Variants in PXDNL observed in about 807,000 individuals in gnomAD.
PXDNL encodes peroxidasin like, also known as probable oxidoreductase PXDNL.
PXDNL carries 145 observed loss-of-function variants against 150.8 expected under a neutral mutation model. The ratio of observed to expected loss-of-function variants is 0.96; its 90% CI spans 0.84 to 1.10. The LOEUF (loss-of-function observed/expected upper bound fraction) is 1.10. Among genes scored for constraint, PXDNL ranks in the 50% least tolerant of loss-of-function variants. The pLI is 0.00. For missense variants in PXDNL, 2,087 were observed against 1,873.9 expected (o/e 1.11, Z -2.10); for synonymous variants, 757 against 725.7 (o/e 1.04, Z -0.69).
intron 2 of PXDNL, among the ~76,000 whole-genome samples, chr8:51,600,626 A>T (rs1373479611): frequency 7.3e-6 from 1 of 136,938 alleles, no homozygotes; most frequent in East Asian, 2.1e-4. Flanking sequence ...ATTATATCTT[A>T]TATAAATTAT....
chr8:51,511,220 G>A (rs901437107), intron 4 of PXDNL, among the ~76,000 whole-genome samples: 3 of 152,168 alleles, frequency 2.0e-5, no homozygotes, highest in Admixed American at 6.5e-5. Flanking sequence ...TCATGCCAGG[G>A]CAGTGGAAGA....
At chr8:51,755,349 C>G (rs1183207489) in intron 1 of PXDNL, among the ~76,000 whole-genome samples, 1 of 150,674 alleles carries the variant, frequency 6.6e-6, no homozygotes, top group Non-Finnish European at 1.5e-5. Context: ...GGCTGGAGTG[C>G]AGGGGCACTA....
intron 2 of PXDNL, among the ~76,000 whole-genome samples, chr8:51,634,180 C>CCCTA (rs768965265): frequency 4.9e-4 from 75 of 152,172 alleles, no homozygotes; most frequent in Non-Finnish European, 8.2e-4. Flanking sequence ...GATCCAGTAT[C>CCCTA]CTTCTTCTGC....
chr8:51,705,807 C>G (rs1054117374), intron 1 of PXDNL, among the ~76,000 whole-genome samples: 2 of 143,394 alleles, frequency 1.4e-5, no homozygotes, highest in South Asian at 4.8e-4. Flanking sequence ...GGTGAAAACA[C>G]TGTGTGTGTG....
At chr8:51,351,764 C>T (rs1205274779) in intron 19 of PXDNL, among the ~76,000 whole-genome samples, 5 of 152,176 alleles carry the variant, frequency 3.3e-5, no homozygotes, top group Non-Finnish European at 7.3e-5. Context: ...GTTGGCAGAA[C>T]TCACTTCCTC....
At chr8:51,650,202 T>C (rs1411135045) in intron 2 of PXDNL, among the ~76,000 whole-genome samples, 1 of 151,846 alleles carries the variant, frequency 6.6e-6, no homozygotes, top group African/African-American at 2.4e-5. Flanking sequence ...CAAAATAGTA[T>C]TATATACAGA....
chr8:51,748,893 A>T (rs569266884), intron 1 of PXDNL, among the ~76,000 whole-genome samples: 1 of 152,230 alleles, frequency 6.6e-6, no homozygotes, highest in Non-Finnish European at 1.5e-5. Flanking sequence ...AAATTAGGAC[A>T]CTAAAAATAA....
intron 1 of PXDNL, among the ~76,000 whole-genome samples, chr8:51,756,237 T>C (rs1223401472): frequency 1.3e-5 from 2 of 151,784 alleles, no homozygotes; most frequent in South Asian, 2.1e-4. Flanking sequence ...CTGCAAAACA[T>C]ACAAATATTA....
intron 1 of PXDNL, among the ~76,000 whole-genome samples, chr8:51,791,950 T>C (rs1443449605): frequency 2.6e-5 from 4 of 152,184 alleles, no homozygotes; most frequent in Non-Finnish European, 5.9e-5. Flanking sequence ...AATTCTTTTC[T>C]GTTTACAGAA....
At chr8:51,659,921 GC>G in intron 1 of PXDNL, among the ~76,000 whole-genome samples, 1 of 150,974 alleles carries the variant, frequency 6.6e-6, no homozygotes, top group Non-Finnish European at 1.5e-5. Flanking sequence ...AAGGAGTCTT[GC>G]TCTTGTCGCC....
At chr8:51,367,100 CAAAAAAAAAAAA>C (rs58282258) in intron 19 of PXDNL, among the ~76,000 whole-genome samples, 49 of 55,254 alleles carry the variant, frequency 8.9e-4, no homozygotes, top group Admixed American at 2.2e-3. Context: ...ACTCTTGTCT[CAAAAAAAAAAAA>C]AAAAAAAAAA....
At chr8:51,341,227 G>A (rs573625266) in intron 20 of PXDNL, among the ~76,000 whole-genome samples, 2 of 152,234 alleles carry the variant, frequency 1.3e-5, no homozygotes, top group South Asian at 4.1e-4. Context: ...CAAATAAGAG[G>A]TATAACCTTG....
At chr8:51,450,132 CAT>C in intron 10 of PXDNL, among the ~76,000 whole-genome samples, 1 of 152,172 alleles carries the variant, frequency 6.6e-6, no homozygotes, top group South Asian at 2.1e-4. Context: ...CTGACATTGC[CAT>C]GGCATTTGTA....
At chr8:51,581,511 A>AAATAAATAAATAAATTAATTAATTAATT (rs1364334171) in intron 3 of PXDNL, among the ~76,000 whole-genome samples, 4 of 151,964 alleles carry the variant, frequency 2.6e-5, no homozygotes, top group Admixed American at 1.3e-4. Context: ...ATAAATAAAT[A>AAATAAATAAATAAATTAATTAATTAATT]AATTTTAAAA....
chr8:51,374,776 G>A (rs760966674), intron 17 of PXDNL, 45 bp from the exon 18 acceptor site: 3 of 1,590,890 alleles, frequency 1.9e-6, no homozygotes, highest in Non-Finnish European at 2.6e-6. Flanking sequence ...GACTGAAAGT[G>A]GAATTGAAAA....
chr8:51,402,525 A>G (rs76809908), intron 17 of PXDNL, among the ~76,000 whole-genome samples: 3,658 of 152,312 alleles, frequency 0.024, 81 homozygotes, highest in South Asian at 0.082. Context: ...TCTCAAAATA[A>G]ATAAATAAAT....
chr8:51,720,323 C>T (rs1475831765), intron 1 of PXDNL, among the ~76,000 whole-genome samples: 3 of 151,800 alleles, frequency 2.0e-5, no homozygotes, highest in African/African-American at 7.3e-5. Context: ...GTTTAATACT[C>T]AGTAATTTTT....
intron 2 of PXDNL, among the ~76,000 whole-genome samples, chr8:51,630,414 C>A (rs537198252): frequency 8.5e-5 from 13 of 152,188 alleles, no homozygotes; most frequent in African/African-American, 2.9e-4. Context: ...GCAATTGCAA[C>A]ACAAACAAAA....
chr8:51,334,817 C>G (rs1805791792), intron 21 of PXDNL, among the ~76,000 whole-genome samples: 1 of 152,222 alleles, frequency 6.6e-6, no homozygotes, highest in Admixed American at 6.5e-5. Flanking sequence ...CTAATATGAG[C>G]TTATTAGGTC....
Sources: gnomAD v4.1 joint callset for allele counts (sites outside exome capture counted in the v4.1 genomes callset) on GRCh38, gnomAD v4.1.1 for gene constraint, MANE v1.5 for transcripts, NCBI Gene and HGNC (gene_info 2026-07-23, HGNC 2026-07-21) for gene names.